The following ADGRG4 variants were observed in gnomAD, a reference collection of about 807,000 sequenced individuals.
The protein encoded by ADGRG4 is G protein-coupled receptor 112.
Under a neutral mutation model 126.2 loss-of-function variants are expected in ADGRG4, and 122 were observed. That is an observed-to-expected ratio of 0.97 (90% CI 0.83 to 1.12). The LOEUF is 1.12. Ranked by LOEUF, ADGRG4 falls within the 50% of genes most tolerant of loss-of-function variation. The probability of loss-of-function intolerance (pLI) is 0.00; values close to 1 mark genes in which losing one functional copy is unlikely to be tolerated. For missense variants in ADGRG4, 2,481 were observed against 2,251.8 expected (o/e 1.10, Z -2.06); for synonymous variants, 943 against 838.7 (o/e 1.12, Z -2.15).
intron 15 of ADGRG4, among the ~76,000 whole-genome samples, chrX:136,382,901 C>A (rs1196986028): frequency 1.8e-5 from 2 of 110,507 alleles, no homozygotes; most frequent in Non-Finnish European, 3.8e-5. Flanking sequence ...ACTAAGACCT[C>A]TAGGCCAGCA....
At chrX:136,367,257 G>A (rs929438297) in intron 13 of ADGRG4, among the ~76,000 whole-genome samples, 2 of 112,238 alleles carry the variant, frequency 1.8e-5, no homozygotes, top group African/African-American at 3.2e-5. Flanking sequence ...TTTCCTTGCA[G>A]ATGATGCAAG....
At chrX:136,378,528 A>C (rs2075241507) in intron 15 of ADGRG4, among the ~76,000 whole-genome samples, 1 of 111,395 alleles carries the variant, frequency 9.0e-6, no homozygotes, top group African/African-American at 3.3e-5. Context: ...AAAATGTTGA[A>C]TAGAAGTGGT....
chrX:136,323,481 T>A (rs1186643619), intron 5 of ADGRG4, 89 bp downstream of exon 5: 2 of 813,717 alleles, frequency 2.5e-6, no homozygotes, highest in African/African-American at 2.1e-5. Flanking sequence ...GCTAGTTTTG[T>A]CATCACTTTT....
At chrX:136,363,664 CAG>C in intron 13 of ADGRG4, 69 bp downstream of exon 13, 1 of 706,453 alleles carries the variant, frequency 1.4e-6, no homozygotes, top group South Asian at 2.2e-5. Flanking sequence ...GACCCCAAAC[CAG>C]AGAGAGTATA....
intron 5 of ADGRG4, among the ~76,000 whole-genome samples, chrX:136,330,386 C>T (rs749516567): frequency 1.2e-4 from 12 of 101,830 alleles, no homozygotes; most frequent in Non-Finnish European, 1.8e-4. Flanking sequence ...TTAGGATTAC[C>T]TTTTTTTTTT....
At chrX:136,319,755 T>TATC (rs2074828911) in intron 4 of ADGRG4, among the ~76,000 whole-genome samples, 1 of 106,772 alleles carries the variant, frequency 9.4e-6, no homozygotes. Flanking sequence ...ATCTATCATC[T>TATC]ATCTATTATC....
Position 136,348,652 on chromosome X carries a change from C to T in ADGRG4, c.4946C>T (p.Thr1649Ile), listed in dbSNP as rs755331103. The change falls in exon 6 of 26, where the codon ACA becomes ATA. Residue 1649 changes from threonine to isoleucine, a missense_variant. Thr to Ile is a moderately conservative substitution (Grantham distance 89). Transcript: ENST00000394143. ...ACACCTACGACCTTTCTCTCTCCAACAGAGCCAACTTTGCCCTTTGTAAAA... is the reference window on the plus strand; with the variant it reads ...ACACCTACGACCTTTCTCTCTCCAATAGAGCCAACTTTGCCCTTTGTAAAA... ...RITPTTFLSP[T>I]EPTLPFVKTV... 2.8e-5 allele frequency: 34 copies of T among 1,210,266 alleles called. 1 individual carries two copies. In the East Asian group the frequency reaches 9.8e-4, roughly 35 times the overall value.
Position 136,361,552 on chromosome X carries a change from C to G in ADGRG4, c.7242C>G (p.Cys2414Trp). 8.4e-7 allele frequency: 1 copy of G among 1,187,319 alleles called. No homozygotes were observed. The highest frequency in any genetic ancestry group is 1.9e-5 in the South Asian group (1 of 52,168). The change falls in exon 12 of 26, where the codon TGC (cysteine) becomes TGG (tryptophan). Residue 2414 changes from cysteine to tryptophan, a missense_variant. Cys to Trp is a radical substitution (Grantham distance 215). Transcript: ENST00000394143. ...TNPTETAQTR[C>W]IKNEDGNATR... ...CTACGGAGACAGCCCAAACCAGATG[C>G]ATAAAAAATGAGGATGGAAATGCCA...
chrX:136,400,172 T>A, intron 21 of ADGRG4, 56 bp downstream of exon 21: 3 of 948,541 alleles, frequency 3.2e-6, no homozygotes, highest in Non-Finnish European at 4.4e-6. Flanking sequence ...TCTTTCTAAT[T>A]CTAGCTCTGT....
At chrX:136,344,078 T>G (rs762352150) in intron 5 of ADGRG4, among the ~76,000 whole-genome samples, 2 of 112,022 alleles carry the variant, frequency 1.8e-5, no homozygotes, top group South Asian at 7.5e-4. Flanking sequence ...AGGAATTGGA[T>G]CCTTTCCCAA....
At chrX:136,393,666 A>G in intron 18 of ADGRG4, 86 bp downstream of exon 18, 2 of 664,549 alleles carry the variant, frequency 3.0e-6, no homozygotes, top group Non-Finnish European at 4.8e-6. Context: ...TGCTGAAACT[A>G]CTGTCTTATC....
At position 136,350,229 on chromosome X, in the gene ADGRG4, C is replaced by T. The variant is rs1202379641; in HGVS notation, c.6523C>T (p.Leu2175=). ...TACTTTAATTATTCCTAAGCCCACA[C>T]TGGACTCCCTTCTAAATATAATGAC... ...PSTLIIPKPT[L]DSLLNIMTTT... The change falls in exon 6 of 26, where the codon CTG becomes TTG. Residue 2175 remains leucine (L), a synonymous_variant. Coordinates refer to ENST00000394143, the MANE Select transcript of ADGRG4 (RefSeq NM_153834.4). The T allele has an allele frequency of 1.7e-6, 2 of 1,206,217 alleles. No individual in the cohort carries two copies. The highest frequency in any genetic ancestry group is 2.2e-6 in the Non-Finnish European group (2 of 890,450).
intron 8 of ADGRG4, among the ~76,000 whole-genome samples, chrX:136,354,629 C>G (rs894879185): frequency 9.0e-6 from 1 of 110,879 alleles, no homozygotes; most frequent in African/African-American, 3.3e-5. Flanking sequence ...CACAGGTCCC[C>G]AAGACTGCCC....
intron 24 of ADGRG4, among the ~76,000 whole-genome samples, chrX:136,413,534 A>T (rs764381592): frequency 6.3e-5 from 7 of 111,065 alleles, no homozygotes; most frequent in African/African-American, 2.0e-4. Flanking sequence ...AAACAACCCC[A>T]TTCCCCACTT....
rs1279937623 is a variant in ADGRG4 at position 136,350,008 on chromosome X, T to C, written c.6302T>C (p.Ile2101Thr). The change falls in exon 6 of 26, where the codon ATT (isoleucine) becomes ACT (threonine). Residue 2101 changes from isoleucine to threonine, a missense_variant. Transcript: ENST00000394143. The stretch of plus-strand genomic sequence containing the variant: ...AATGTCACAGATGACATTGTGTACA[T>C]TTCCACACACCCTGAGGCATCCTCC... ...SINVTDDIVYISTHPEASSRT... is the reference protein window; with the variant it reads ...SINVTDDIVYTSTHPEASSRT... The C allele has an allele frequency of 8.3e-7, 1 of 1,210,377 alleles. No individual in the cohort carries two copies. The highest frequency in any genetic ancestry group is 3.0e-5 in the East Asian group (1 of 33,796).
intron 23 of ADGRG4, among the ~76,000 whole-genome samples, chrX:136,406,174 T>C (rs923259177): frequency 8.9e-6 from 1 of 112,532 alleles, no homozygotes; most frequent in East Asian, 2.8e-4. Flanking sequence ...GAAATGTCTA[T>C]ATCAAACACT....
At chrX:136,393,642 A>G in intron 18 of ADGRG4, 62 bp downstream of exon 18, 1 of 846,671 alleles carries the variant, frequency 1.2e-6, no homozygotes, top group Non-Finnish European at 1.8e-6. Flanking sequence ...TGGCAGTTAA[A>G]TGGGAGGGGG....
At chrX:136,373,691 G>T (rs1290683800) in intron 15 of ADGRG4, among the ~76,000 whole-genome samples, 1 of 111,523 alleles carries the variant, frequency 9.0e-6, no homozygotes, top group Non-Finnish European at 1.9e-5. Context: ...TGTTGGCCAG[G>T]TGCAGTGCCA....
chrX:136,388,929 G>A (rs1224756450), intron 16 of ADGRG4, among the ~76,000 whole-genome samples: 5 of 112,028 alleles, frequency 4.5e-5, no homozygotes, highest in Non-Finnish European at 9.4e-5. Flanking sequence ...AATTTTCCCA[G>A]ATGTGTTTGT....
Sources: gnomAD v4.1 joint callset for allele counts (sites outside exome capture counted in the v4.1 genomes callset) on GRCh38, gnomAD v4.1.1 for gene constraint, MANE v1.5 for transcripts, NCBI Gene and HGNC (gene_info 2026-07-23, HGNC 2026-07-21) for gene names.